FOXP2: variants seen among roughly 807,000 people sequenced by gnomAD.
FOXP2 encodes forkhead box protein P2.
A neutral mutation model predicts 115.8 loss-of-function variants in FOXP2; 12 were observed. That is an observed-to-expected ratio of 0.10 (90% CI 0.07 to 0.17). The LOEUF is 0.17. Ranked by LOEUF, FOXP2 falls within the 10% of genes least tolerant of loss-of-function variation. The pLI is 1.00. For missense variants in FOXP2, 629 were observed against 843.5 expected (o/e 0.75, Z 3.15); for synonymous variants, 328 against 297.7 (o/e 1.10, Z -1.05).
At chr7:114,688,576 T>G (rs1270942850) in intron 16 of FOXP2, among the ~76,000 whole-genome samples, 1 of 152,108 alleles carries the variant, frequency 6.6e-6, no homozygotes, top group African/African-American at 2.4e-5. Context: ...CAAAAATAAT[T>G]AGGTTTTGGC....
chr7:114,359,536 C>A (rs1417385265), intron 2 of FOXP2, among the ~76,000 whole-genome samples: 1 of 152,230 alleles, frequency 6.6e-6, no homozygotes, highest in African/African-American at 2.4e-5. Context: ...TACTCAACAC[C>A]AGCCTGTGAA....
intron 1 of FOXP2, among the ~76,000 whole-genome samples, chr7:114,115,102 A>G (rs117708491): frequency 6.6e-6 from 1 of 152,128 alleles, no homozygotes; most frequent in East Asian, 1.9e-4. Context: ...CAACTTTGCC[A>G]TCACAGATTA....
At chr7:114,582,008 G>T (rs558107552) in intron 3 of FOXP2, among the ~76,000 whole-genome samples, 2 of 152,276 alleles carry the variant, frequency 1.3e-5, no homozygotes, top group East Asian at 3.9e-4. Flanking sequence ...CAGGAAAAAT[G>T]CTGCTAAAGG....
intron 1 of FOXP2, among the ~76,000 whole-genome samples, chr7:114,143,043 G>T (rs902038917): frequency 1.3e-5 from 2 of 151,580 alleles, no homozygotes; most frequent in Admixed American, 6.6e-5. Flanking sequence ...AGCAACTCAG[G>T]TGGCTTCGGT....
At chr7:114,173,960 A>T (rs1195163981) in intron 1 of FOXP2, among the ~76,000 whole-genome samples, 2 of 151,806 alleles carry the variant, frequency 1.3e-5, no homozygotes, top group African/African-American at 4.8e-5. Context: ...GTTAGAATTT[A>T]TATTGATTTT....
chr7:114,505,077 A>G (rs141357890), intron 2 of FOXP2, among the ~76,000 whole-genome samples: 3 of 151,722 alleles, frequency 2.0e-5, no homozygotes, highest in Admixed American at 2.0e-4. Context: ...CATAGTTCTG[A>G]CTTCTCATTT....
chr7:114,291,937 TATATATTATAGATAATATATAGA>T (rs1397683745), intron 2 of FOXP2, among the ~76,000 whole-genome samples: 7 of 142,062 alleles, frequency 4.9e-5, no homozygotes, highest in East Asian at 4.0e-4. Context: ...ATATATAGAA[TATATATTATAGATAATATATAGA>T]ATATATATTA....
chr7:114,091,847 A>G (rs1385227899), intron 1 of FOXP2, among the ~76,000 whole-genome samples: 1 of 151,894 alleles, frequency 6.6e-6, no homozygotes, highest in African/African-American at 2.4e-5. Flanking sequence ...TTTAGGTTCA[A>G]CCTTTTGCAT....
chr7:114,359,616 C>A (rs1382164326), intron 2 of FOXP2, among the ~76,000 whole-genome samples: 2 of 152,228 alleles, frequency 1.3e-5, no homozygotes, highest in South Asian at 4.1e-4. Flanking sequence ...TGGGAACCCA[C>A]CTCTTGGATC....
At chr7:114,413,697 CT>C (rs1793229474), upstream of FOXP2, among the ~76,000 whole-genome samples, 7 of 152,130 alleles carry the variant, frequency 4.6e-5, no homozygotes, top group South Asian at 1.5e-3. Flanking sequence ...GTATTAAAGG[CT>C]ATTAGAAGCA....
chr7:114,400,352 C>T (rs550041522), intron 2 of FOXP2, among the ~76,000 whole-genome samples: 1 of 152,080 alleles, frequency 6.6e-6, no homozygotes, highest in Non-Finnish European at 1.5e-5. Flanking sequence ...AAATTAATTT[C>T]CCATGTAATT....
chr7:114,521,936 CA>C, intron 2 of FOXP2, among the ~76,000 whole-genome samples: 1 of 152,032 alleles, frequency 6.6e-6, no homozygotes, highest in Non-Finnish European at 1.5e-5. Context: ...TATCTGGAAC[CA>C]GCTAAAATAT....
chr7:114,676,657 T>A (rs1807784828), intron 16 of FOXP2, among the ~76,000 whole-genome samples: 2 of 152,208 alleles, frequency 1.3e-5, no homozygotes, highest in Non-Finnish European at 2.9e-5. Flanking sequence ...TAGGGTTTTT[T>A]AAAAGATGTA....
Position 114,584,760 on chromosome 7 carries a change from A to G in FOXP2, c.259-43780A>G, listed in dbSNP as rs182157569. ...AAGTGGTAGAGTTTGTGGAGTCCCT[A>G]TCATGTCCTGGCTAAGGTATTTTTA... On this transcript the variant is annotated intron_variant, in intron 3 of 16. Coordinates refer to ENST00000350908, the MANE Select transcript of FOXP2 (RefSeq NM_014491.4). 4.3e-4 allele frequency among the ~76,000 whole-genome samples: 66 copies of G among 152,226 alleles called. No individual in the cohort carries two copies. In the Middle Eastern group the frequency reaches 0.01, roughly 24 times the overall value.
chr7:114,375,875 G>A (rs979601322), intron 2 of FOXP2, among the ~76,000 whole-genome samples: 1 of 152,162 alleles, frequency 6.6e-6, no homozygotes, highest in Non-Finnish European at 1.5e-5. Flanking sequence ...ACAAGATATG[G>A]GGTCTGCCCA....
chr7:114,391,942 ATT>A (rs774974491), intron 2 of FOXP2, among the ~76,000 whole-genome samples: 1 of 152,208 alleles, frequency 6.6e-6, no homozygotes, highest in Non-Finnish European at 1.5e-5. Flanking sequence ...ATATGTGGTG[ATT>A]TTAAGTAAAA....
upstream of FOXP2, among the ~76,000 whole-genome samples, chr7:114,411,123 C>G (rs1793152851): frequency 6.6e-6 from 1 of 152,002 alleles, no homozygotes; most frequent in African/African-American, 2.4e-5. Context: ...ACTCTGGAGC[C>G]AAACTTATGT....
At chr7:114,264,008 G>A (rs1472488249) in intron 1 of FOXP2, among the ~76,000 whole-genome samples, 1 of 152,018 alleles carries the variant, frequency 6.6e-6, no homozygotes, top group African/African-American at 2.4e-5. Flanking sequence ...AGCTTTGCCT[G>A]TTTAGCTTCC....
intron 1 of FOXP2, among the ~76,000 whole-genome samples, chr7:114,239,616 A>C (rs2129167320): frequency 6.6e-6 from 1 of 152,290 alleles, no homozygotes; most frequent in South Asian, 2.1e-4. Context: ...AGTGAATGTG[A>C]ATGCTAGATA....
Sources: gnomAD v4.1 joint callset for allele counts (sites outside exome capture counted in the v4.1 genomes callset) on GRCh38, gnomAD v4.1.1 for gene constraint, MANE v1.5 for transcripts, NCBI Gene and HGNC (gene_info 2026-07-23, HGNC 2026-07-21) for gene names.